SGCZ: variants seen among roughly 807,000 people sequenced by gnomAD.
SGCZ encodes the protein sarcoglycan zeta.
In SGCZ, 40 loss-of-function variants were observed where a neutral mutation model predicts 41.3. The observed-to-expected ratio is 0.97, with a 90% confidence interval of 0.75 to 1.26. SGCZ has a LOEUF of 1.26. Ranked by LOEUF, SGCZ falls within the 50% of genes most tolerant of loss-of-function variation. The pLI is 0.00. For missense variants in SGCZ, 552 were observed against 369.8 expected, an observed-to-expected ratio of 1.49 and a Z score of -4.04; for synonymous variants, 206 against 137.5, an observed-to-expected ratio of 1.50 and a Z score of -3.49.
chr8:15,130,288 A>G (rs746497486), intron 1 of SGCZ, among the ~76,000 whole-genome samples: 4 of 152,170 alleles, frequency 2.6e-5, no homozygotes, highest in Non-Finnish European at 5.9e-5. Context: ...GGATGCCAAT[A>G]TAGGGGGAAG....
intron 2 of SGCZ, among the ~76,000 whole-genome samples, chr8:14,353,069 C>T (rs1305826502): frequency 1.1e-4 from 16 of 144,510 alleles, no homozygotes; most frequent in Admixed American, 1.0e-3. Context: ...TTATGTTGCA[C>T]GTTGCATGAG....
At chr8:14,531,939 A>T (rs1803145431) in intron 2 of SGCZ, among the ~76,000 whole-genome samples, 1 of 152,148 alleles carries the variant, frequency 6.6e-6, no homozygotes, top group African/African-American at 2.4e-5. Flanking sequence ...ATTTAATAGG[A>T]TATCACAATT....
intron 1 of SGCZ, among the ~76,000 whole-genome samples, chr8:14,904,846 C>T (rs1482296727): frequency 6.6e-6 from 1 of 151,738 alleles, no homozygotes; most frequent in African/African-American, 2.4e-5. Flanking sequence ...AATCTTATTC[C>T]TTTATGATGT....
intron 5 of SGCZ, among the ~76,000 whole-genome samples, chr8:14,131,794 A>G (rs553280543): frequency 2.0e-5 from 3 of 152,168 alleles, no homozygotes; most frequent in Non-Finnish European, 4.4e-5. Flanking sequence ...TTTTTATAGT[A>G]CATTTTCTAT....
At chr8:14,272,436 G>A (rs1450021832) in intron 3 of SGCZ, among the ~76,000 whole-genome samples, 1 of 152,208 alleles carries the variant, frequency 6.6e-6, no homozygotes, top group Non-Finnish European at 1.5e-5. Flanking sequence ...AAGTGTGGCT[G>A]GCTCTTCAGA....
chr8:14,582,336 CT>C (rs1203966722), intron 1 of SGCZ, among the ~76,000 whole-genome samples: 4 of 151,990 alleles, frequency 2.6e-5, no homozygotes, highest in East Asian at 3.9e-4. Flanking sequence ...ATCAGCACCC[CT>C]AACCCTGTTG....
chr8:14,867,464 G>T (rs954238592), intron 1 of SGCZ, among the ~76,000 whole-genome samples: 1 of 152,028 alleles, frequency 6.6e-6, no homozygotes. Context: ...TTGGGCATAC[G>T]TCCAGTAGCA....
chr8:14,908,072 T>G (rs1245421623), intron 1 of SGCZ, among the ~76,000 whole-genome samples: 1 of 152,132 alleles, frequency 6.6e-6, no homozygotes, highest in Non-Finnish European at 1.5e-5. Context: ...AAATAAAAAT[T>G]TCTGGTTTTG....
At chr8:14,842,690 A>G (rs975822751) in intron 1 of SGCZ, among the ~76,000 whole-genome samples, 1 of 152,174 alleles carries the variant, frequency 6.6e-6, no homozygotes, top group Non-Finnish European at 1.5e-5. Flanking sequence ...GAAACTTTTG[A>G]AATGCTTTAA....
At chr8:14,986,405 C>T (rs76611321) in intron 1 of SGCZ, among the ~76,000 whole-genome samples, 75 of 152,144 alleles carry the variant, frequency 4.9e-4, no homozygotes, top group Admixed American at 8.5e-4. Context: ...TTGACTGATA[C>T]GCACAGCATT....
intron 2 of SGCZ, among the ~76,000 whole-genome samples, chr8:14,346,397 G>A (rs1302019798): frequency 6.6e-6 from 1 of 151,912 alleles, no homozygotes; most frequent in Non-Finnish European, 1.5e-5. Context: ...CTTATTTGGG[G>A]AATTTAATTC....
At chr8:14,809,338 T>C (rs1801669291) in intron 1 of SGCZ, among the ~76,000 whole-genome samples, 1 of 152,140 alleles carries the variant, frequency 6.6e-6, no homozygotes, top group African/African-American at 2.4e-5. Flanking sequence ...GCCAGGATCA[T>C]GATGAAATGA....
chr8:14,715,898 ACAC>A (rs1473500501), intron 1 of SGCZ, among the ~76,000 whole-genome samples: 1 of 152,168 alleles, frequency 6.6e-6, no homozygotes, highest in Non-Finnish European at 1.5e-5. Context: ...GCTGGCATGA[ACAC>A]AACAATTTGG....
chr8:14,890,864 A>C (rs1182028924), intron 1 of SGCZ, among the ~76,000 whole-genome samples: 1 of 152,200 alleles, frequency 6.6e-6, no homozygotes, highest in African/African-American at 2.4e-5. Context: ...ACCATTTCCA[A>C]AATCCTCAGG....
chr8:14,710,712 TTAAAA>T (rs1463000866), intron 1 of SGCZ, among the ~76,000 whole-genome samples: 2 of 152,146 alleles, frequency 1.3e-5, no homozygotes, highest in African/African-American at 4.8e-5. Flanking sequence ...TTAAAACACT[TTAAAA>T]TAACCTACTT....
chr8:14,546,422 G>A (rs536189171), intron 2 of SGCZ, among the ~76,000 whole-genome samples: 4 of 152,292 alleles, frequency 2.6e-5, no homozygotes, highest in South Asian at 2.1e-4. Context: ...TAACCAGTGC[G>A]AAGACTAAAC....
chr8:15,037,052 A>G (rs1403598753), intron 1 of SGCZ, among the ~76,000 whole-genome samples: 2 of 152,210 alleles, frequency 1.3e-5, no homozygotes, highest in African/African-American at 4.8e-5. Flanking sequence ...TCATTTTATG[A>G]TACAAACTCT....
chr8:15,218,352 T>C (rs1057205365), intron 1 of SGCZ, among the ~76,000 whole-genome samples: 1 of 152,210 alleles, frequency 6.6e-6, no homozygotes, highest in African/African-American at 2.4e-5. Flanking sequence ...AAAAAGTAGT[T>C]AAACTTGGTG....
chr8:14,296,129 A>T (rs1446001536), intron 3 of SGCZ, among the ~76,000 whole-genome samples: 1 of 152,146 alleles, frequency 6.6e-6, no homozygotes, highest in African/African-American at 2.4e-5. Context: ...GCTTGGCCTA[A>T]ATAAGCTTCA....
Sources: gnomAD v4.1 joint callset for allele counts (sites outside exome capture counted in the v4.1 genomes callset) on GRCh38, gnomAD v4.1.1 for gene constraint, MANE v1.5 for transcripts, NCBI Gene and HGNC (gene_info 2026-07-23, HGNC 2026-07-21) for gene names.